FAM171B: variants seen among roughly 807,000 people sequenced by gnomAD.
FAM171B encodes family with sequence similarity 171 member B.
FAM171B carries 19 observed loss-of-function variants against 75.6 expected under a neutral mutation model. That is an observed-to-expected ratio of 0.25 (90% CI 0.18 to 0.37). The LOEUF (loss-of-function observed/expected upper bound fraction) is 0.37, where lower values mean the gene tolerates loss of function less well. Ranked by LOEUF, FAM171B falls within the 10% of genes least tolerant of loss-of-function variation. The probability of loss-of-function intolerance (pLI) is 1.00; values close to 1 mark genes in which losing one functional copy is unlikely to be tolerated. For missense variants in FAM171B, 848 were observed against 982.4 expected (o/e 0.86, Z 1.83); for synonymous variants, 367 against 361.7 (o/e 1.01, Z -0.17).
chr2:186,752,094 C>G (rs1205205260), intron 5 of FAM171B, among the ~76,000 whole-genome samples: 2 of 152,126 alleles, frequency 1.3e-5, no homozygotes, highest in East Asian at 1.9e-4. Context: ...TATACTTTGC[C>G]AGGTTGAAGG....
intron 1 of FAM171B, among the ~76,000 whole-genome samples, chr2:186,723,284 G>A (rs1247637256): frequency 6.6e-6 from 1 of 152,144 alleles, no homozygotes; most frequent in South Asian, 2.1e-4. Context: ...CTCTCATATA[G>A]TTTTATCAAT....
chr2:186,725,327 G>C (rs1397784794), intron 1 of FAM171B, among the ~76,000 whole-genome samples: 1 of 147,126 alleles, frequency 6.8e-6, no homozygotes, highest in Non-Finnish European at 1.5e-5. Context: ...CTGGGCGACA[G>C]AGCGAGACTC....
chr2:186,708,543 A>T (rs1689765576), intron 1 of FAM171B, among the ~76,000 whole-genome samples: 1 of 152,194 alleles, frequency 6.6e-6, no homozygotes, highest in African/African-American at 2.4e-5. Flanking sequence ...CTACTGTGGA[A>T]ACAGGTATGG....
At chr2:186,754,342 G>A (rs1690498889) in intron 6 of FAM171B, among the ~76,000 whole-genome samples, 1 of 152,120 alleles carries the variant, frequency 6.6e-6, no homozygotes, top group Non-Finnish European at 1.5e-5. Flanking sequence ...ATCAGTTAGA[G>A]CTTTTGGTTG....
chr2:186,752,164 T>C (rs970922336), intron 5 of FAM171B, among the ~76,000 whole-genome samples: 4 of 152,178 alleles, frequency 2.6e-5, no homozygotes, highest in African/African-American at 9.7e-5. Flanking sequence ...ACTGTAGTTG[T>C]AGAGTGGAGT....
chr2:186,748,458 T>C (rs184008290), intron 4 of FAM171B, among the ~76,000 whole-genome samples: 3 of 152,336 alleles, frequency 2.0e-5, no homozygotes, highest in South Asian at 2.1e-4. Context: ...ATGACACTTA[T>C]TATTCTGTTA....
intron 1 of FAM171B, among the ~76,000 whole-genome samples, chr2:186,714,165 G>A (rs1689845705): frequency 6.6e-6 from 1 of 150,538 alleles, no homozygotes; most frequent in African/African-American, 2.4e-5. Flanking sequence ...AGTAAATTAT[G>A]TTTGTCTCTA....
chr2:186,743,739 T>C (rs1408191957), intron 3 of FAM171B, among the ~76,000 whole-genome samples, 164 bp downstream of exon 3: 1 of 152,222 alleles, frequency 6.6e-6, no homozygotes, highest in Non-Finnish European at 1.5e-5. Flanking sequence ...TACTGTCAAA[T>C]GAATGGTGTG....
intron 6 of FAM171B, 89 bp downstream of exon 6, chr2:186,754,138 A>T: frequency 1.1e-6 from 1 of 886,342 alleles, no homozygotes; most frequent in East Asian, 2.6e-5. Flanking sequence ...TATTCTAAGC[A>T]CTGCCACTTA....
At chr2:186,746,665 A>G (rs1690368630) in intron 3 of FAM171B, among the ~76,000 whole-genome samples, 1 of 152,220 alleles carries the variant, frequency 6.6e-6, no homozygotes, top group Admixed American at 6.5e-5. Context: ...AGCAAAACAC[A>G]CATTGTATCT....
rs1362561256 is a variant in FAM171B, at chr2:186,764,077, T to A, written c.*1254T>A. The A allele has an allele frequency of 6.6e-6, 1 of 152,100 alleles. No homozygotes were observed. Among genetic ancestry groups the A allele is most frequent in the Non-Finnish European group, 1.5e-5 (1 of 67,966 alleles). The allele number at this position is 152,100 out of a possible 1,614,324, so 9.4% of individuals were successfully genotyped here. ...TTAATTAACTCTGAATTACCATTCA[T>A]ACATCCTAAAAATAAAAGCTCGTTA... On this transcript the variant is annotated 3_prime_UTR_variant, in exon 8 of 8. Coordinates refer to ENST00000304698, the MANE Select transcript of FAM171B (RefSeq NM_177454.4).
chr2:186,736,670 T>TC (rs1690207458), intron 1 of FAM171B, among the ~76,000 whole-genome samples: 1 of 146,864 alleles, frequency 6.8e-6, no homozygotes, highest in Non-Finnish European at 1.5e-5. Flanking sequence ...TTTTTTTTTT[T>TC]TAGTTTGGTG....
rs10755000 is a variant in FAM171B, at chr2:186,722,689, G to T, written c.239-17539G>T. Among the ~76,000 whole-genome samples, 580 of 152,038 alleles carry T rather than the reference G, an allele frequency of 3.8e-3. 3 individuals are homozygous for T. Among genetic ancestry groups the T allele is most frequent in the Middle Eastern group, 0.01 (3 of 294 alleles). ...GGCATAGGGCATAGATAGAGATGAT[G>T]GCCTTTGGGCTGTACTAAACAGTTC... On this transcript the variant is annotated intron_variant, in intron 1 of 7. Transcript: ENST00000304698.
chr2:186,718,529 C>T (rs1322418859), intron 1 of FAM171B, among the ~76,000 whole-genome samples: 1 of 152,108 alleles, frequency 6.6e-6, no homozygotes, highest in East Asian at 1.9e-4. Context: ...TTCATATTTC[C>T]CTCTTCTCTA....
intron 1 of FAM171B, among the ~76,000 whole-genome samples, chr2:186,721,835 G>A (rs151063788): frequency 6.6e-6 from 1 of 151,132 alleles, no homozygotes; most frequent in African/African-American, 2.4e-5. Flanking sequence ...TCCCCTCAGT[G>A]TCTCAGTAGT....
At chr2:186,759,972 AG>A (rs1276015420) in intron 6 of FAM171B, among the ~76,000 whole-genome samples, 1 of 152,102 alleles carries the variant, frequency 6.6e-6, no homozygotes, top group Admixed American at 6.6e-5. Context: ...ATATGGTGAG[AG>A]ATAAGAGTGT....
rs551247221 is a variant in FAM171B at position 186,761,935 on chromosome 2, T to C, written c.1593T>C (p.Leu531=). ...GGCGTTCCCATATTCCTGAACAGCT[T>C]ATGCATATTTACAGCCAACCCATTG... ...AYGRSHIPEQ[L]MHIYSQPIAI... is the part of the protein sequence containing the mutation. The change falls in exon 8 of 8, where the codon CTT becomes CTC. Residue 531 remains leucine, a synonymous_variant. Transcript: ENST00000304698. 1.9e-6 allele frequency: 3 copies of C among 1,613,418 alleles called. No individual in the cohort carries two copies. The African/African-American group carries it at 4.0e-5, about 22-fold the overall frequency.
chr2:186,762,706 T>C lies in FAM171B; in HGVS notation c.2364T>C (p.Asp788=). 1 of 1,612,518 alleles carries C rather than the reference T, an allele frequency of 6.2e-7. No homozygotes were observed. Among genetic ancestry groups the C allele is most frequent in the Admixed American group, 1.7e-5 (1 of 59,624 alleles). Residue 788 remains aspartate, a synonymous_variant, in exon 8 of 8, where the codon GAT becomes GAC. Coordinates refer to ENST00000304698, the MANE Select transcript of FAM171B (RefSeq NM_177454.4). This position sits in a 1 kb window ranked among gnomAD's most constrained non-coding sequence, Gnocchi z 4.0. ...ESPGRKSTVE[D]FEANTSPTKR... is the part of the protein sequence containing the mutation. Reference sequence around the variant, plus strand: ...CAGGAAGGAAAAGCACTGTTGAAGATTTTGAAGCTAATACATCCCCCACTA... The same window carrying C: ...CAGGAAGGAAAAGCACTGTTGAAGACTTTGAAGCTAATACATCCCCCACTA...
intron 4 of FAM171B, among the ~76,000 whole-genome samples, chr2:186,750,001 A>T (rs937001429): frequency 1.8e-4 from 28 of 152,292 alleles, no homozygotes; most frequent in African/African-American, 6.5e-4. Context: ...ATTGCAGACA[A>T]TATCAGAAAT....
Sources: allele counts gnomAD v4.1 joint callset (sites outside exome capture counted in the v4.1 genomes callset), GRCh38; gene constraint gnomAD v4.1.1; non-coding constraint Gnocchi (gnomAD v3.1); transcripts MANE v1.5; gene names NCBI Gene and HGNC (gene_info 2026-07-23, HGNC 2026-07-21).